CHD9: variants seen among roughly 807,000 people sequenced by gnomAD.
CHD9 encodes the protein chromodomain helicase DNA binding protein 9.
CHD9 carries 77 observed loss-of-function variants against 316.1 expected under a neutral mutation model. That is an observed-to-expected ratio of 0.24 (90% CI 0.20 to 0.29). The LOEUF is 0.29. Ranked by LOEUF, CHD9 falls within the 10% of genes least tolerant of loss-of-function variation. CHD9 has a pLI of 1.00. For missense variants in CHD9, 2,763 were observed against 3,438.1 expected (o/e 0.80, Z 4.91); for synonymous variants, 1,129 against 1,158.3 (o/e 0.97, Z 0.51).
At chr16:53,121,029 C>A (rs1164071882) in intron 1 of CHD9, among the ~76,000 whole-genome samples, 5 of 152,028 alleles carry the variant, frequency 3.3e-5, no homozygotes, top group Non-Finnish European at 7.4e-5. Flanking sequence ...AACAAACAAA[C>A]AAAAACCCTA....
rs62047986 is a variant in CHD9, at chr16:53,128,732, C to T, written c.-164-27194C>T. Reference sequence around the variant, plus strand: ...CCAGAGTCCCCATATTCAGAAACCACAGTTACTGAGAATACCTCCAAAATT... The same window carrying T: ...CCAGAGTCCCCATATTCAGAAACCATAGTTACTGAGAATACCTCCAAAATT... On this transcript the variant is annotated intron_variant, in intron 1 of 38. Transcript: ENST00000447540. 4.8e-3 allele frequency among the ~76,000 whole-genome samples: 738 copies of T among 152,310 alleles called. 3 individuals are homozygous for T. The highest frequency in any genetic ancestry group is 7.6e-3 in the Non-Finnish European group (515 of 68,032).
chr16:53,237,231 C>T lies in CHD9; in HGVS notation c.2634-1112C>T, dbSNP rs1160931502. Among the ~76,000 whole-genome samples the T allele has an allele frequency of 2.8e-4, 42 of 152,062 alleles. 1 individual carries two copies. Among genetic ancestry groups the T allele is most frequent in the Admixed American group, 2.8e-3 (42 of 15,258 alleles). Reference sequence around the variant, plus strand: ...CACCCCATACTTTGGTAACTAGGTCCATTTTATTCTAACCCATAATTAATT... The same window carrying T: ...CACCCCATACTTTGGTAACTAGGTCTATTTTATTCTAACCCATAATTAATT... On this transcript the variant is annotated intron_variant, in intron 11 of 38. Transcript: ENST00000447540.
At chr16:53,234,020 T>C (rs1454548499) in intron 10 of CHD9, among the ~76,000 whole-genome samples, 5 of 152,202 alleles carry the variant, frequency 3.3e-5, no homozygotes, top group African/African-American at 9.6e-5. Context: ...TATATCTATA[T>C]ATAAGTGAAT....
chr16:53,112,827 A>C (rs1567337491), intron 1 of CHD9, among the ~76,000 whole-genome samples: 1 of 152,058 alleles, frequency 6.6e-6, no homozygotes, highest in Non-Finnish European at 1.5e-5. Flanking sequence ...CAGCCTCAGC[A>C]ACATGGTGAG....
At chr16:53,306,017 G>C (rs1285920435) in intron 31 of CHD9, among the ~76,000 whole-genome samples, 1 of 152,070 alleles carries the variant, frequency 6.6e-6, no homozygotes, top group East Asian at 1.9e-4. Flanking sequence ...TTGAGCCCAG[G>C]AGTTCTGTCC....
intron 24 of CHD9, among the ~76,000 whole-genome samples, chr16:53,280,681 T>A (rs570866357): frequency 5.8e-4 from 79 of 136,680 alleles, no homozygotes; most frequent in Admixed American, 1.4e-3. Flanking sequence ...AAATACAATT[T>A]AAAAAAAAAA....
At chr16:53,273,170 T>C (rs1338090475) in intron 22 of CHD9, among the ~76,000 whole-genome samples, 2 of 152,098 alleles carry the variant, frequency 1.3e-5, no homozygotes, top group Non-Finnish European at 2.9e-5. Context: ...GTTTTTGTAG[T>C]TTTTAAATAT....
At chr16:53,095,203 T>C (rs944403773) in intron 1 of CHD9, among the ~76,000 whole-genome samples, 5 of 152,218 alleles carry the variant, frequency 3.3e-5, no homozygotes, top group African/African-American at 1.2e-4. Context: ...CTTTTTCAAA[T>C]ATTTTTCTAA....
chr16:53,271,078 G>A (rs548234682), intron 22 of CHD9, among the ~76,000 whole-genome samples: 2 of 151,482 alleles, frequency 1.3e-5, no homozygotes, highest in East Asian at 3.9e-4. Flanking sequence ...AAACTAAAGG[G>A]CTTGCCCCAA....
At chr16:53,210,547 C>G (rs1296317345) in intron 3 of CHD9, among the ~76,000 whole-genome samples, 1 of 152,020 alleles carries the variant, frequency 6.6e-6, no homozygotes, top group Non-Finnish European at 1.5e-5. Flanking sequence ...GGTGTATTTG[C>G]TTAGCATGCA....
chr16:53,312,393 G>A (rs953246372), intron 34 of CHD9, among the ~76,000 whole-genome samples: 13 of 152,282 alleles, frequency 8.5e-5, no homozygotes, highest in Admixed American at 8.5e-4. Context: ...CTTAGCCAGA[G>A]TCCTGTGGAA....
chr16:53,325,391 A>G lies in CHD9; in HGVS notation c.*496A>G, dbSNP rs547096198. ...TACATGAAAATGCTCTAGTGTTGTG[A>G]TGCACTGCTGATGTTTCCAATTCAG... On this transcript the variant is annotated 3_prime_UTR_variant, in exon 39 of 39. Transcript: ENST00000447540. 6.5e-6 allele frequency: 1 copy of G among 153,202 alleles called. No homozygotes were observed. Among genetic ancestry groups the G allele is most frequent in the South Asian group, 2.1e-4 (1 of 4,858 alleles). 9.5% of individuals were successfully genotyped at this position (153,202 alleles called of 1,614,324 possible). A position where few individuals can be genotyped will look rare whatever the true frequency, so the allele number is the denominator to read the frequency against.
intron 9 of CHD9, 67 bp downstream of exon 9, chr16:53,231,572 G>A (rs2048177898): frequency 7.3e-7 from 1 of 1,377,742 alleles, no homozygotes; most frequent in South Asian, 1.3e-5. Context: ...TTAAGACCTA[G>A]TACTTTATTC....
intron 2 of CHD9, among the ~76,000 whole-genome samples, chr16:53,203,946 C>G (rs910117317): frequency 1.4e-5 from 2 of 145,912 alleles, no homozygotes; most frequent in Non-Finnish European, 3.0e-5. Context: ...ATGGCGTGAA[C>G]CTGGGAGGCG....
chr16:53,180,693 G>T (rs74565551), intron 2 of CHD9, among the ~76,000 whole-genome samples: 4 of 149,860 alleles, frequency 2.7e-5, no homozygotes, highest in Admixed American at 1.3e-4. Context: ...ATTTTTTTTT[G>T]ATACAGTCTC....
At chr16:53,086,577 C>T (rs2035477920) in intron 1 of CHD9, among the ~76,000 whole-genome samples, 1 of 152,186 alleles carries the variant, frequency 6.6e-6, no homozygotes. Context: ...GACTTAGCTT[C>T]TCTGAGCCTC....
chr16:53,056,817 G>A (rs908229022), intron 1 of CHD9, among the ~76,000 whole-genome samples: 2 of 152,274 alleles, frequency 1.3e-5, no homozygotes, highest in South Asian at 2.1e-4. Flanking sequence ...AGCCAGCCCC[G>A]AATGAGAGAA....
At chr16:53,253,486 G>A (rs1254711682) in intron 17 of CHD9, among the ~76,000 whole-genome samples, 1 of 152,086 alleles carries the variant, frequency 6.6e-6, no homozygotes, top group East Asian at 1.9e-4. Context: ...TGCAAATATA[G>A]TGCAGTGTAT....
intron 5 of CHD9, 127 bp from the exon 6 acceptor site, chr16:53,227,269 C>T (rs887210269): frequency 1.7e-6 from 1 of 600,912 alleles, no homozygotes; most frequent in African/African-American, 2.0e-5. Flanking sequence ...TAACACGTAA[C>T]ATAGTGTCTA....
Sources: gnomAD v4.1 joint callset for allele counts (sites outside exome capture counted in the v4.1 genomes callset) on GRCh38, gnomAD v4.1.1 for gene constraint, MANE v1.5 for transcripts, NCBI Gene and HGNC (gene_info 2026-07-23, HGNC 2026-07-21) for gene names.